CDH23: variants seen among roughly 807,000 people sequenced by gnomAD.
CDH23 encodes the protein cadherin related 23, also known as cadherin-23.
A neutral mutation model predicts 317.1 loss-of-function variants in CDH23; 189 were observed. The ratio of observed to expected loss-of-function variants is 0.60; its 90% CI spans 0.53 to 0.67. The LOEUF is 0.67. Ranked by LOEUF, CDH23 falls within the 30% of genes least tolerant of loss-of-function variation. The pLI, the probability that CDH23 is intolerant of heterozygous loss-of-function variation, is 0.00. For missense variants in CDH23, 4,401 were observed against 4,592.4 expected (o/e 0.96, Z 1.20); for synonymous variants, 1,839 against 1,876.8 (o/e 0.98, Z 0.52).
Position 71,793,306 on chromosome 10 carries a change from T to C in CDH23, c.6378T>C (p.Arg2126=). 1 of 1,613,946 alleles carries C rather than the reference T, an allele frequency of 6.2e-7. No homozygotes were observed. The change falls in exon 48 of 70, where the codon CGT becomes CGC. Residue 2126 remains arginine, a synonymous_variant. Coordinates refer to ENST00000224721, the MANE Select transcript of CDH23 (RefSeq NM_022124.6). ...TTCATCTGGTCACCGGGGTCATCCG[T>C]GTTGGTAATGCCACCATCGACAGAG... is the stretch of plus-strand genomic sequence containing the variant. The part of the protein sequence containing the change: ...FLIHLVTGVI[R]VGNATIDREE...
intron 16 of CDH23, 70 bp from the exon 17 acceptor site, chr10:71,679,317 A>T: frequency 1.5e-6 from 1 of 652,368 alleles, no homozygotes; most frequent in Non-Finnish European, 2.8e-6. Context: ...CCACCCTCCC[A>T]GCTGCCCACC....
intron 1 of CDH23, among the ~76,000 whole-genome samples, chr10:71,435,710 G>A (rs1007042457): frequency 3.3e-5 from 5 of 152,202 alleles, no homozygotes; most frequent in Non-Finnish European, 7.3e-5. Context: ...CCTGAAGGTG[G>A]GCCTGAGGAT....
intron 6 of CDH23, among the ~76,000 whole-genome samples, chr10:71,548,580 C>T (rs533134511): frequency 8.4e-4 from 128 of 152,316 alleles, no homozygotes; most frequent in African/African-American, 3.0e-3. Context: ...TGTGCAGCCT[C>T]CCTGCAGGTC....
At chr10:71,554,165 A>G (rs949242374) in intron 6 of CDH23, among the ~76,000 whole-genome samples, 10 of 152,118 alleles carry the variant, frequency 6.6e-5, no homozygotes, top group African/African-American at 1.9e-4. Context: ...CTGTATCTCC[A>G]TGAGGCAGGT....
intron 3 of CDH23, among the ~76,000 whole-genome samples, chr10:71,490,407 G>A (rs1852589822): frequency 6.6e-6 from 1 of 152,088 alleles, no homozygotes; most frequent in Admixed American, 6.5e-5. Flanking sequence ...CATTGTCCAG[G>A]GTTGTGTCTG....
chr10:71,560,017 C>T (rs1857050851), intron 6 of CDH23, among the ~76,000 whole-genome samples: 1 of 152,186 alleles, frequency 6.6e-6, no homozygotes, highest in Admixed American at 6.5e-5. Context: ...GTGTGGACCT[C>T]GTCCTCCTGC....
At chr10:71,508,294 A>C (rs1487952124) in intron 3 of CDH23, 1 of 152,212 alleles carries the variant, frequency 6.6e-6, no homozygotes, top group Non-Finnish European at 1.5e-5. Flanking sequence ...ATGTCCATGA[A>C]GTCCTGAATC....
chr10:71,624,224 C>T (rs981402267), intron 11 of CDH23, among the ~76,000 whole-genome samples: 61 of 152,186 alleles, frequency 4.0e-4, no homozygotes, highest in African/African-American at 1.4e-3. Context: ...GGGACTTGGG[C>T]GCCTCTCTGG....
At chr10:71,752,654 G>C (rs2132866877) in intron 38 of CDH23, among the ~76,000 whole-genome samples, 1 of 152,284 alleles carries the variant, frequency 6.6e-6, no homozygotes, top group African/African-American at 2.4e-5. Context: ...GGCTGGGGCT[G>C]GGCCCGCTGG....
intron 41 of CDH23, among the ~76,000 whole-genome samples, chr10:71,782,724 G>C (rs574145224): frequency 1.3e-5 from 2 of 152,374 alleles, no homozygotes; most frequent in African/African-American, 4.8e-5. Flanking sequence ...CATATGGCCG[G>C]GGCTTGAGAC....
At chr10:71,556,947 A>G (rs904139954) in intron 6 of CDH23, among the ~76,000 whole-genome samples, 1 of 152,150 alleles carries the variant, frequency 6.6e-6, no homozygotes, top group Non-Finnish European at 1.5e-5. Context: ...CACACACTGG[A>G]GCATGCACCC....
At chr10:71,803,815 CA>C (rs59916449) in intron 55 of CDH23, among the ~76,000 whole-genome samples, 15,437 of 71,190 alleles carry the variant, frequency 0.22, 746 homozygotes, top group Middle Eastern at 0.29. Context: ...ACTAAAAATG[CA>C]AAAAAAAAAA....
At chr10:71,541,235 A>G (rs10823779) in intron 6 of CDH23, among the ~76,000 whole-genome samples, 28,992 of 152,090 alleles carry the variant, frequency 0.19, 3,427 homozygotes, top group South Asian at 0.34. Context: ...GCCAAGGCCC[A>G]GTTTGGGGTG....
At chr10:71,567,167 G>A (rs1054027687) in intron 7 of CDH23, among the ~76,000 whole-genome samples, 9 of 152,220 alleles carry the variant, frequency 5.9e-5, no homozygotes, top group African/African-American at 1.2e-4. Context: ...AAGCAGCCCC[G>A]TGTCATAAGT....
At chr10:71,584,422 A>G (rs78696109) in intron 9 of CDH23, among the ~76,000 whole-genome samples, 168 of 152,330 alleles carry the variant, frequency 1.1e-3, no homozygotes, top group African/African-American at 4.0e-3. Flanking sequence ...AGTGAAGGAC[A>G]GAGCCTTCCC....
chr10:71,787,319 ATTTT>A (rs34939679), intron 44 of CDH23, among the ~76,000 whole-genome samples: 4 of 126,404 alleles, frequency 3.2e-5, no homozygotes, highest in Non-Finnish European at 5.0e-5. Context: ...CGCTTTTCAG[ATTTT>A]TTTTTTTTTT....
intron 6 of CDH23, among the ~76,000 whole-genome samples, chr10:71,553,735 G>A (rs1856728151): frequency 6.6e-6 from 1 of 152,224 alleles, no homozygotes; most frequent in Non-Finnish European, 1.5e-5. Flanking sequence ...TGTTTAACAT[G>A]ATTCATCATC....
chr10:71,617,602 C>A, intron 11 of CDH23: 1 of 1,266,630 alleles, frequency 7.9e-7, no homozygotes, highest in Non-Finnish European at 1.1e-6. Context: ...AACATGTAAG[C>A]ACATGTTTCC....
At chr10:71,695,588 A>T in intron 22 of CDH23, 63 bp downstream of exon 22, 1 of 1,156,068 alleles carries the variant, frequency 8.7e-7, no homozygotes. Context: ...TGCCCCTCCC[A>T]CTGCGATTCC....
Sources: gnomAD v4.1 joint callset for allele counts (sites outside exome capture counted in the v4.1 genomes callset) on GRCh38, gnomAD v4.1.1 for gene constraint, MANE v1.5 for transcripts, NCBI Gene and HGNC (gene_info 2026-07-23, HGNC 2026-07-21) for gene names.